AGBL4: variants seen among roughly 807,000 people sequenced by gnomAD.
AGBL4 encodes the protein AGBL carboxypeptidase 4.
Under a neutral mutation model 66.4 loss-of-function variants are expected in AGBL4, and 58 were observed. The observed-to-expected ratio is 0.87, with a 90% confidence interval of 0.71 to 1.09. AGBL4 has a LOEUF of 1.09. Among genes scored for constraint, AGBL4 ranks in the 50% least tolerant of loss-of-function variants. AGBL4 has a pLI of 0.00. For missense variants in AGBL4, 579 were observed against 631.0 expected (o/e 0.92, Z 0.88); for synonymous variants, 234 against 222.9 (o/e 1.05, Z -0.44).
intron 3 of AGBL4, among the ~76,000 whole-genome samples, chr1:49,532,042 A>G (rs777392927): frequency 2.6e-5 from 4 of 152,132 alleles, no homozygotes; most frequent in Non-Finnish European, 5.9e-5. Flanking sequence ...GTAGAATGGA[A>G]TATGGTCTTT....
chr1:49,724,272 A>G (rs1648841304), intron 2 of AGBL4, among the ~76,000 whole-genome samples: 1 of 152,216 alleles, frequency 6.6e-6, no homozygotes, highest in Non-Finnish European at 1.5e-5. Context: ...TAAAACTTAT[A>G]TATGAAACCT....
intron 1 of AGBL4, among the ~76,000 whole-genome samples, chr1:49,874,507 A>C (rs1646924486): frequency 6.6e-6 from 1 of 152,148 alleles, no homozygotes; most frequent in Non-Finnish European, 1.5e-5. Context: ...AGTGGCTATA[A>C]TCCATTGTAA....
chr1:49,615,210 C>G (rs1251866140), intron 3 of AGBL4, among the ~76,000 whole-genome samples: 1 of 152,040 alleles, frequency 6.6e-6, no homozygotes, highest in Admixed American at 6.6e-5. Flanking sequence ...TTCTGTCTTC[C>G]AAAGGAGAGG....
intron 2 of AGBL4, among the ~76,000 whole-genome samples, chr1:49,817,409 G>T (rs1645258672): frequency 6.6e-6 from 1 of 152,092 alleles, no homozygotes; most frequent in Non-Finnish European, 1.5e-5. Context: ...AATATTGTCT[G>T]TTTATTAATG....
chr1:48,678,677 G>A lies in AGBL4; in HGVS notation c.635-15436C>T, dbSNP rs1889702. ...ATAGCACCCAGTGACTAGCTCTTGC[G>A]TTTTAATGGTGCAAATGTGGCAATA... is the stretch of plus-strand genomic sequence containing the variant. On this transcript the variant is annotated intron_variant, in intron 6 of 13. Transcript: ENST00000371839. Among the ~76,000 whole-genome samples the A allele has an allele frequency of 1.0e-2, 1,517 of 152,194 alleles. 15 individuals carry two copies. Among genetic ancestry groups the A allele is most frequent in the South Asian group, 0.015 (73 of 4,828 alleles).
At chr1:49,897,235 T>A (rs1350843183) in intron 1 of AGBL4, among the ~76,000 whole-genome samples, 1 of 151,940 alleles carries the variant, frequency 6.6e-6, no homozygotes, top group Admixed American at 6.6e-5. Context: ...CAGAAAACTA[T>A]TAGAACTGAT....
chr1:48,776,744 G>C, intron 6 of AGBL4: 3 of 1,527,920 alleles, frequency 2.0e-6, no homozygotes, highest in South Asian at 2.5e-5. Flanking sequence ...TCAAAATCCA[G>C]CCGCGAGCGG....
intron 10 of AGBL4, among the ~76,000 whole-genome samples, chr1:48,588,819 A>AGAGAG (rs1644867385): frequency 6.8e-6 from 1 of 146,464 alleles, no homozygotes; most frequent in Non-Finnish European, 1.5e-5. Flanking sequence ...AGAGAAGAGA[A>AGAGAG]GAGAAGAGAA....
At chr1:48,861,356 C>T (rs1001413744) in intron 6 of AGBL4, among the ~76,000 whole-genome samples, 1 of 151,926 alleles carries the variant, frequency 6.6e-6, no homozygotes, top group Admixed American at 6.6e-5. Context: ...AGTTAATTTG[C>T]CAATAATTTC....
intron 3 of AGBL4, among the ~76,000 whole-genome samples, chr1:49,323,723 T>G (rs1570434957): frequency 6.6e-6 from 1 of 150,386 alleles, no homozygotes; most frequent in Non-Finnish European, 1.5e-5. Flanking sequence ...GAGCCAAGAT[T>G]GCACCACTGC....
chr1:49,256,854 T>A (rs977956093), intron 3 of AGBL4, among the ~76,000 whole-genome samples: 1 of 152,148 alleles, frequency 6.6e-6, no homozygotes, highest in African/African-American at 2.4e-5. Flanking sequence ...AAAAACAATA[T>A]CGTAGATCAG....
chr1:49,737,253 A>T (rs969367016), intron 2 of AGBL4, among the ~76,000 whole-genome samples: 4 of 152,202 alleles, frequency 2.6e-5, no homozygotes, highest in African/African-American at 9.6e-5. Flanking sequence ...TTGCTGCACT[A>T]TTCAAATAGC....
intron 3 of AGBL4, among the ~76,000 whole-genome samples, chr1:49,285,013 C>T (rs1644370645): frequency 6.6e-6 from 1 of 151,268 alleles, no homozygotes; most frequent in African/African-American, 2.4e-5. Context: ...CAGCTCTGCA[C>T]CAAGCGGACC....
chr1:48,767,043 T>C (rs1311053411), intron 6 of AGBL4, among the ~76,000 whole-genome samples: 1 of 152,178 alleles, frequency 6.6e-6, no homozygotes, highest in Non-Finnish European at 1.5e-5. Context: ...TATAGATACC[T>C]CACATCCATA....
At chr1:48,904,749 A>G (rs1289328665) in intron 5 of AGBL4, among the ~76,000 whole-genome samples, 1 of 152,244 alleles carries the variant, frequency 6.6e-6, no homozygotes, top group East Asian at 1.9e-4. Context: ...GAACAATATT[A>G]GCAATAATTA....
chr1:49,822,036 A>G (rs1039247942), intron 2 of AGBL4, among the ~76,000 whole-genome samples: 1 of 152,176 alleles, frequency 6.6e-6, no homozygotes, highest in African/African-American at 2.4e-5. Context: ...TGATCTAGCC[A>G]TAAAAGTTGG....
At chr1:48,807,096 G>T (rs1645942505) in intron 6 of AGBL4, among the ~76,000 whole-genome samples, 1 of 152,188 alleles carries the variant, frequency 6.6e-6, no homozygotes, top group Non-Finnish European at 1.5e-5. Flanking sequence ...CCTCCTCTAG[G>T]AAGCATTCTG....
intron 3 of AGBL4, among the ~76,000 whole-genome samples, chr1:49,675,910 G>A (rs1234673508): frequency 6.6e-6 from 1 of 152,072 alleles, no homozygotes; most frequent in African/African-American, 2.4e-5. Context: ...CTGCAAATTA[G>A]TGACAGAGGT....
intron 3 of AGBL4, among the ~76,000 whole-genome samples, chr1:49,425,261 TA>T (rs1645631725): frequency 1.3e-5 from 2 of 152,076 alleles, no homozygotes; most frequent in Admixed American, 1.3e-4. Context: ...CTATCAATAA[TA>T]AAAAACATTT....
Sources: gnomAD v4.1 joint callset for allele counts (sites outside exome capture counted in the v4.1 genomes callset) on GRCh38, gnomAD v4.1.1 for gene constraint, MANE v1.5 for transcripts, NCBI Gene and HGNC (gene_info 2026-07-23, HGNC 2026-07-21) for gene names.